The following CEP295 variants were observed in gnomAD, a reference collection of about 807,000 sequenced individuals.
CEP295 encodes the protein centrosomal protein 295.
CEP295 carries 190 observed loss-of-function variants against 291.6 expected under a neutral mutation model. That is an observed-to-expected ratio of 0.65 (90% CI 0.58 to 0.73). CEP295 has a LOEUF of 0.73. CEP295 is among the 30% of genes least tolerant of loss of function. CEP295 has a pLI of 0.00. For missense variants in CEP295, 2,863 were observed against 2,949.4 expected, an observed-to-expected ratio of 0.97 and a Z score of 0.68; for synonymous variants, 993 against 1,038.8, an observed-to-expected ratio of 0.96 and a Z score of 0.85.
rs1483435413 is a variant in CEP295 at position 93,698,520 on chromosome 11, GC to G, written c.3609del (p.Thr1204ProfsTer28). 6.4e-7 allele frequency: 1 copy of G among 1,552,084 alleles called. No individual in the cohort carries two copies. ...AAAAGAATTTCTTCTGAACAGACTG[GC>G]ACCTCCTCATCCCTTTCCCAGGTGG... ...LEKRISSEQTGTSSSLSQVDE... is the reference protein window; with the variant it reads ...LEKRISSEQTXTSSSLSQVDE... On this transcript the variant is annotated frameshift_variant, in exon 15 of 30. Transcript: ENST00000325212. LOFTEE classifies it high-confidence loss of function.
At chr11:93,715,909 G>A (rs1349414897) in intron 18 of CEP295, among the ~76,000 whole-genome samples, 1 of 151,940 alleles carries the variant, frequency 6.6e-6, no homozygotes, top group East Asian at 1.9e-4. Context: ...AGCAGAAGGA[G>A]GGGGTCTCTT....
At chr11:93,728,519 C>G in intron 24 of CEP295, 162 bp from the exon 25 acceptor site, 1 of 533,568 alleles carries the variant, frequency 1.9e-6, no homozygotes, top group Non-Finnish European at 3.2e-6. Context: ...GTTATGGAAG[C>G]CTAAGGAAAT....
chr11:93,665,707 C>CA (rs1233876840), intron 1 of CEP295, among the ~76,000 whole-genome samples: 8 of 151,322 alleles, frequency 5.3e-5, no homozygotes, highest in African/African-American at 1.5e-4. Context: ...GACTCCATCT[C>CA]AAAAAAAAGA....
At chr11:93,671,288 T>C (rs533973017) in intron 5 of CEP295, among the ~76,000 whole-genome samples, 1 of 152,328 alleles carries the variant, frequency 6.6e-6, no homozygotes, top group African/African-American at 2.4e-5. Flanking sequence ...TAAATGGGTT[T>C]TTTTTTCCTT....
rs16919227 is a variant in CEP295, at chr11:93,695,393, G to A, written c.1534-104G>A. 297 of 669,286 alleles carry A rather than the reference G, an allele frequency of 4.4e-4. No individual in the cohort carries two copies. In the African/African-American group the frequency reaches 5.0e-3, roughly 11 times the overall value. 41.5% of individuals were successfully genotyped at this position (669,286 alleles called of 1,614,324 possible). A position where few individuals can be genotyped will look rare whatever the true frequency, so the allele number is the denominator to read the frequency against. On this transcript the variant is annotated intron_variant, in intron 12 of 29. Transcript: ENST00000325212. ...ATCAACACTTACTTCTTTGAAAATTGGTACCCTTGGTGAAGAAACCTAATT... is the reference window on the plus strand; with the variant it reads ...ATCAACACTTACTTCTTTGAAAATTAGTACCCTTGGTGAAGAAACCTAATT...
intron 13 of CEP295, 49 bp downstream of exon 13, chr11:93,695,683 G>T: frequency 6.8e-7 from 1 of 1,468,276 alleles, no homozygotes; most frequent in African/African-American, 1.5e-5. Flanking sequence ...GGTAAGGGGG[G>T]CAAGAAAATA....
chr11:93,710,133 C>T lies in CEP295; in HGVS notation c.5749+3236C>T, dbSNP rs142243786. ...ATGCTCTTTATTTCCTTGTCTTGTG[C>T]GATTGCTCTAGCTAGGACTTCCAGT... is the stretch of plus-strand genomic sequence containing the variant. On this transcript the variant is annotated intron_variant, in intron 18 of 29. Coordinates refer to ENST00000325212, the MANE Select transcript of CEP295 (RefSeq NM_033395.2). 7.3e-3 allele frequency among the ~76,000 whole-genome samples: 1,105 copies of T among 152,146 alleles called. 41 individuals carry two copies. The East Asian group carries it at 0.1, about 14-fold the overall frequency.
Position 93,723,281 on chromosome 11 carries a change from A to G in CEP295, c.6188A>G (p.Asp2063Gly). The stretch of plus-strand genomic sequence containing the variant: ...GCAAATTTGATACCTGAAAAAACAG[A>G]TTTGCAAGGTAAAATTATTTTAAAG... ...NEANLIPEKTDLQELEHIFPN... is the reference protein window; with the variant it reads ...NEANLIPEKTGLQELEHIFPN... Residue 2063 changes from aspartate (D) to glycine (G), a missense_variant, in exon 21 of 30, where the codon GAT becomes GGT. Asp to Gly is a moderately conservative substitution (Grantham distance 94). This residue lies in a region of CEP295 where 2,295 missense variants were observed against 2,335.7 expected (regional missense o/e 0.98). Transcript: ENST00000325212. The G allele has an allele frequency of 6.7e-7, 1 of 1,500,540 alleles. No individual in the cohort carries two copies. The allele number at this position is 1,500,540 out of a possible 1,614,324, so 93.0% of individuals were successfully genotyped here.
At chr11:93,705,650 A>AT (rs1223411182) in intron 17 of CEP295, among the ~76,000 whole-genome samples, 3 of 151,744 alleles carry the variant, frequency 2.0e-5, no homozygotes, top group Non-Finnish European at 4.4e-5. Context: ...TTTACAGTGG[A>AT]TTTTTTGGTT....
intron 1 of CEP295, among the ~76,000 whole-genome samples, chr11:93,662,015 T>C (rs1950011511): frequency 6.6e-6 from 1 of 152,192 alleles, no homozygotes. Context: ...TTGCGCGCTC[T>C]CCTGGGGTCG....
At position 93,724,638 on chromosome 11, in the gene CEP295, G is replaced by A. The variant is rs372725319; in HGVS notation, c.6318+263G>A. Among the ~76,000 whole-genome samples, 101 of 152,002 alleles carry A rather than the reference G, an allele frequency of 6.6e-4. 1 individual carries two copies. The highest frequency in any genetic ancestry group is 3.4e-3 in the Middle Eastern group (1 of 294). On this transcript the variant is annotated intron_variant, in intron 22 of 29. Coordinates refer to ENST00000325212, the MANE Select transcript of CEP295 (RefSeq NM_033395.2). ...AAAAATTAGCCAGGTGTCGTGGTGC[G>A]CACCTGTAGTCCCAGCTACTCGGGA...
At chr11:93,709,752 T>C (rs1439591517) in intron 18 of CEP295, among the ~76,000 whole-genome samples, 5 of 152,188 alleles carry the variant, frequency 3.3e-5, no homozygotes, top group Non-Finnish European at 7.4e-5. Context: ...ATTTTAATAA[T>C]GTTGAGATTC....
At chr11:93,665,069 G>A (rs1212277871) in intron 1 of CEP295, among the ~76,000 whole-genome samples, 1 of 152,156 alleles carries the variant, frequency 6.6e-6, no homozygotes. Context: ...ATTGCAACAG[G>A]AATTATCAGA....
Position 93,697,728 on chromosome 11 carries a change from T to C in CEP295, c.2816T>C (p.Leu939Pro). 6.4e-7 allele frequency: 1 copy of C among 1,551,688 alleles called. No homozygotes were observed. The highest frequency in any genetic ancestry group is 8.7e-7 in the Non-Finnish European group (1 of 1,146,974). Residue 939 changes from leucine (L) to proline (P), a missense_variant, in exon 15 of 30, where the codon CTT becomes CCT. Transcript: ENST00000325212. The part of the protein sequence containing the change: ...ISQLQDKRLS[L>P]SQPILSQQNN... ...CAACTTCAGGATAAGCGTTTGAGTC[T>C]TTCACAGCCTATCCTATCACAGCAA...
At chr11:93,672,945 G>A (rs1292381480) in intron 5 of CEP295, among the ~76,000 whole-genome samples, 2 of 151,990 alleles carry the variant, frequency 1.3e-5, no homozygotes. Context: ...ACTTTAAAAT[G>A]TGTAAACTGA....
rs1472199016 is a variant in CEP295 at position 93,729,632 on chromosome 11, C to T, written c.7418C>T (p.Thr2473Ile). 6.4e-7 allele frequency: 1 copy of T among 1,550,844 alleles called. No individual in the cohort carries two copies. The highest frequency in any genetic ancestry group is 2.4e-5 in the East Asian group (1 of 40,912). The change falls in exon 27 of 30, where the codon ACA becomes ATA. Residue 2473 changes from threonine to isoleucine, a missense_variant. Coordinates refer to ENST00000325212, the MANE Select transcript of CEP295 (RefSeq NM_033395.2). Reference protein sequence around the residue: ...TASTETPRRLTPVPGSLQEAF... With the variant: ...TASTETPRRLIPVPGSLQEAF... ...CCAGCAGAAACCCCTCGCAGGCTTA[C>T]ACCTGTACCAGGGAGCTTACAAGAA...
Position 93,669,709 on chromosome 11 carries a change from T to G in CEP295, c.467T>G (p.Val156Gly). ...AAAGCTCGAAAGGAAGCACTGCTTG[T>G]GGAAAAAGAGAGATCAGCCAAAATT... ...HIKARKEALLVEKERSAKITS... is the reference protein window; with the variant it reads ...HIKARKEALLGEKERSAKITS... The change falls in exon 5 of 30, where the codon GTG becomes GGG. Residue 156 changes from valine to glycine, a missense_variant. Transcript: ENST00000325212. 1 of 1,550,802 alleles carries G rather than the reference T, an allele frequency of 6.4e-7. No individual in the cohort carries two copies. Among genetic ancestry groups the G allele is most frequent in the Non-Finnish European group, 8.7e-7 (1 of 1,146,262 alleles).
chr11:93,677,969 A>C (rs1273752151), intron 6 of CEP295, among the ~76,000 whole-genome samples: 1 of 152,186 alleles, frequency 6.6e-6, no homozygotes, highest in Non-Finnish European at 1.5e-5. Flanking sequence ...TGTATTATAA[A>C]TCTTGTTTTG....
chr11:93,677,548 C>G (rs1950754516), intron 6 of CEP295, among the ~76,000 whole-genome samples: 1 of 152,154 alleles, frequency 6.6e-6, no homozygotes, highest in Non-Finnish European at 1.5e-5. Context: ...CACAACTGAA[C>G]AAAACATCAT....
Sources: allele counts gnomAD v4.1 joint callset (sites outside exome capture counted in the v4.1 genomes callset), GRCh38; gene constraint gnomAD v4.1.1; regional missense constraint gnomAD v4.1.1; transcripts MANE v1.5; gene names NCBI Gene and HGNC (gene_info 2026-07-23, HGNC 2026-07-21).